Variants in FGD4 observed in about 807,000 individuals in gnomAD.
FGD4 encodes FYVE, RhoGEF and PH domain containing 4.
FGD4 carries 42 observed loss-of-function variants against 102.0 expected under a neutral mutation model. The observed-to-expected ratio is 0.41, with a 90% confidence interval of 0.32 to 0.53. The LOEUF (loss-of-function observed/expected upper bound fraction) is 0.53. FGD4 is among the 20% of genes least tolerant of loss of function. FGD4 has a pLI of 0.21. For missense variants in FGD4, 902 were observed against 1,078.2 expected (o/e 0.84, Z 2.29); for synonymous variants, 380 against 375.7 (o/e 1.01, Z -0.13).
At chr12:32,554,660 A>T (rs915385603) in intron 1 of FGD4, among the ~76,000 whole-genome samples, 1 of 152,230 alleles carries the variant, frequency 6.6e-6, no homozygotes, top group African/African-American at 2.4e-5. Flanking sequence ...ATAAACTATA[A>T]AGTAGGGGTC....
chr12:32,481,592 G>A lies in FGD4; in HGVS notation c.166+81633G>A, dbSNP rs192923608. ...AATCCCAGCATTTTGGGAAGCTGAG[G>A]CGGGTGGATCAGGAGATCAGGGGTT... On this transcript the variant is annotated intron_variant, in intron 1 of 16. Transcript: ENST00000534526. 6.8e-4 allele frequency among the ~76,000 whole-genome samples: 103 copies of A among 152,330 alleles called. 1 individual carries two copies. Among genetic ancestry groups the A allele is most frequent in the Non-Finnish European group, 2.1e-4 (14 of 68,034 alleles).
rs115233658 is a variant in FGD4, at chr12:32,430,831, G to C, written c.166+30872G>C. On this transcript the variant is annotated intron_variant, in intron 1 of 16. Transcript: ENST00000534526. ...TTCAAGACTGGGAACTGACTAGGGT[G>C]CTAATTAGAGCCCCTCTGTAGTCCT... Among the ~76,000 whole-genome samples the C allele has an allele frequency of 6.5e-3, 997 of 152,338 alleles. 17 individuals are homozygous for C. Among genetic ancestry groups the C allele is most frequent in the African/African-American group, 0.023 (954 of 41,576 alleles).
chr12:32,423,686 T>C (rs1451786599), intron 1 of FGD4, among the ~76,000 whole-genome samples: 2 of 151,826 alleles, frequency 1.3e-5, no homozygotes, highest in African/African-American at 2.4e-5. Context: ...TGGTTGACTA[T>C]TTTTATGGTT....
chr12:32,638,851 G>C (rs779109906), intron 16 of FGD4, 56 bp downstream of exon 16: 1 of 1,611,942 alleles, frequency 6.2e-7, no homozygotes, highest in Non-Finnish European at 8.5e-7. Flanking sequence ...AAGGGGAAGC[G>C]AGTGGACAGC....
chr12:32,486,604 C>G (rs1455705988), intron 1 of FGD4, among the ~76,000 whole-genome samples: 1 of 152,132 alleles, frequency 6.6e-6, no homozygotes, highest in Non-Finnish European at 1.5e-5. Context: ...CTAATATTTT[C>G]TTGGTCATCA....
intron 1 of FGD4, among the ~76,000 whole-genome samples, chr12:32,484,008 C>T (rs1056902413): frequency 2.0e-5 from 3 of 152,112 alleles, no homozygotes; most frequent in African/African-American, 7.2e-5. Flanking sequence ...CACTGCATTA[C>T]AGTATTATAC....
intron 7 of FGD4, among the ~76,000 whole-genome samples, chr12:32,604,093 C>T (rs1048179909): frequency 6.6e-6 from 1 of 152,156 alleles, no homozygotes; most frequent in African/African-American, 2.4e-5. Context: ...TACTCCCATG[C>T]GTGTGATGAG....
At chr12:32,451,631 C>T (rs535484568) in intron 1 of FGD4, among the ~76,000 whole-genome samples, 1 of 151,576 alleles carries the variant, frequency 6.6e-6, no homozygotes, top group Non-Finnish European at 1.5e-5. Context: ...AGGCCGGGCT[C>T]GATGGCTCAC....
At chr12:32,513,839 T>G (rs997082276) in intron 1 of FGD4, among the ~76,000 whole-genome samples, 2 of 152,186 alleles carry the variant, frequency 1.3e-5, no homozygotes, top group African/African-American at 4.8e-5. Context: ...GGAACTGCAG[T>G]AAATACCTCA....
At chr12:32,400,108 A>C in intron 1 of FGD4, 149 bp downstream of exon 1, 1 of 1,176,654 alleles carries the variant, frequency 8.5e-7, no homozygotes, top group South Asian at 1.8e-5. Flanking sequence ...GCGCTCGGCC[A>C]CCCACTCCCT....
intron 1 of FGD4, among the ~76,000 whole-genome samples, chr12:32,548,548 G>T (rs1943412008): frequency 1.3e-5 from 2 of 152,138 alleles, no homozygotes; most frequent in Admixed American, 1.3e-4. Context: ...TCACTTCAAG[G>T]AAAGAACCAG....
At chr12:32,478,146 T>G (rs1350413139) in intron 1 of FGD4, among the ~76,000 whole-genome samples, 2 of 152,228 alleles carry the variant, frequency 1.3e-5, no homozygotes, top group African/African-American at 2.4e-5. Flanking sequence ...TTTATTTTCT[T>G]TTTTATCGTA....
In FGD4 at chr12:32,619,861, T is replaced by C. The variant is rs1240602053; in HGVS notation, c.1913T>C (p.Leu638Pro). ...TCTGGGAAAGAGAGAACACTGGAAC[T>C]GCAGGCCAGGTAAGGGAACCATTTC... ...QVSGKERTLE[L>P]QASSAQDKEE... Residue 638 changes from leucine to proline, a missense_variant, in exon 11 of 17, where the codon CTG (leucine) becomes CCG (proline). Around this residue, in one of 2 missense-constraint regions of FGD4, gnomAD observed 459 missense variants for 619.0 expected, o/e 0.74. Transcript: ENST00000534526. 1 of 1,614,028 alleles carries C rather than the reference T, an allele frequency of 6.2e-7. No homozygotes were observed. Among genetic ancestry groups the C allele is most frequent in the Non-Finnish European group, 8.5e-7 (1 of 1,180,034 alleles).
intron 1 of FGD4, among the ~76,000 whole-genome samples, chr12:32,408,419 G>A (rs909357023): frequency 1.3e-4 from 20 of 152,020 alleles, no homozygotes; most frequent in Non-Finnish European, 4.4e-5. Context: ...CGCCCACCAC[G>A]GCCTCACATA....
At chr12:32,412,139 A>G (rs1347891613) in intron 1 of FGD4, among the ~76,000 whole-genome samples, 1 of 152,218 alleles carries the variant, frequency 6.6e-6, no homozygotes, top group Non-Finnish European at 1.5e-5. Flanking sequence ...CTGCTGAGTA[A>G]TAATTGATTA....
Position 32,642,471 on chromosome 12 carries a change from CA to C in FGD4, c.*1940del, listed in dbSNP as rs1177746726. 1 of 151,908 alleles carries C rather than the reference CA, an allele frequency of 6.6e-6. No individual in the cohort carries two copies. The highest frequency in any genetic ancestry group is 1.5e-5 in the Non-Finnish European group (1 of 67,924). 9.4% of individuals were successfully genotyped at this position (151,908 alleles called of 1,614,324 possible). On this transcript the variant is annotated 3_prime_UTR_variant, in exon 17 of 17. Transcript: ENST00000534526. ...ACTAGAACAATGGTAATGTATGGGC[CA>C]ATGGGAAGATTTATAAGTCAGATTA...
At chr12:32,445,813 C>A (rs75827531) in intron 1 of FGD4, among the ~76,000 whole-genome samples, 5,813 of 152,190 alleles carry the variant, frequency 0.038, 171 homozygotes, top group South Asian at 0.12. Flanking sequence ...AACAAATTTG[C>A]AAGAAAAGTC....
At chr12:32,418,651 G>A (rs1402378643) in intron 1 of FGD4, among the ~76,000 whole-genome samples, 6 of 152,102 alleles carry the variant, frequency 3.9e-5, no homozygotes, top group Non-Finnish European at 8.8e-5. Flanking sequence ...GGACTGTACC[G>A]GTTCAGACCC....
At chr12:32,496,313 A>C (rs4001850) in intron 1 of FGD4, among the ~76,000 whole-genome samples, 104,887 of 151,866 alleles carry the variant, frequency 0.69, 36,392 homozygotes, top group African/African-American at 0.76. Flanking sequence ...CTGATCTCAG[A>C]CCAAAAATAC....
Sources: allele counts gnomAD v4.1 joint callset (sites outside exome capture counted in the v4.1 genomes callset), GRCh38; gene constraint gnomAD v4.1.1; regional missense constraint gnomAD v4.1.1; transcripts MANE v1.5; gene names NCBI Gene and HGNC (gene_info 2026-07-23, HGNC 2026-07-21).